The following MACROD2 variants were observed in gnomAD, a reference collection of about 807,000 sequenced individuals.
MACROD2 encodes mono-ADP ribosylhydrolase 2.
Under a neutral mutation model 70.4 loss-of-function variants are expected in MACROD2, and 36 were observed. The observed-to-expected ratio is 0.51, with a 90% CI of 0.39 to 0.68. MACROD2 has a LOEUF of 0.68. Ranked by LOEUF, MACROD2 falls within the 30% of genes least tolerant of loss-of-function variation. The pLI is 0.00. For synonymous variants in MACROD2, 172 were observed against 178.8 expected (o/e 0.96, Z 0.30); for missense variants, 496 against 538.4 (o/e 0.92, Z 0.78).
intron 8 of MACROD2, among the ~76,000 whole-genome samples, chr20:15,827,573 AG>A (rs1479403275): frequency 3.3e-5 from 5 of 152,216 alleles, no homozygotes; most frequent in African/African-American, 1.2e-4. Flanking sequence ...ACATACCTTT[AG>A]AAGAAGAATA....
chr20:14,299,423 T>C (rs1482899976), intron 3 of MACROD2, among the ~76,000 whole-genome samples: 2 of 152,184 alleles, frequency 1.3e-5, no homozygotes, highest in African/African-American at 4.8e-5. Flanking sequence ...GTGACCCACT[T>C]TATTGGCATA....
At chr20:15,308,523 TA>T (rs1272266290) in intron 6 of MACROD2, among the ~76,000 whole-genome samples, 1 of 152,216 alleles carries the variant, frequency 6.6e-6, no homozygotes, top group Non-Finnish European at 1.5e-5. Context: ...TAGATTTGAT[TA>T]GAAATTTTGC....
intron 3 of MACROD2, among the ~76,000 whole-genome samples, chr20:14,485,183 CA>C (rs1204962183): frequency 6.6e-6 from 1 of 152,088 alleles, no homozygotes; most frequent in Admixed American, 6.5e-5. Context: ...CACACACAAA[CA>C]CACAAATTTT....
At chr20:14,131,999 T>C (rs1601258730) in intron 3 of MACROD2, among the ~76,000 whole-genome samples, 2 of 151,896 alleles carry the variant, frequency 1.3e-5, no homozygotes, top group East Asian at 3.9e-4. Flanking sequence ...GGCGTGGTGG[T>C]GTGCACCTGT....
chr20:15,492,839 A>G (rs1167144343), intron 7 of MACROD2, among the ~76,000 whole-genome samples: 1 of 152,220 alleles, frequency 6.6e-6, no homozygotes, highest in East Asian at 1.9e-4. Flanking sequence ...GCAGAGTTCA[A>G]GGGAGTTTGA....
At position 15,892,015 on chromosome 20, in the gene MACROD2, G is replaced by A. The variant is rs73614473; in HGVS notation, c.775+6204G>A. Among the ~76,000 whole-genome samples, 398 of 152,230 alleles carry A rather than the reference G, an allele frequency of 2.6e-3. 1 individual carries two copies. The highest frequency in any genetic ancestry group is 0.023 in the South Asian group (112 of 4,804). On this transcript the variant is annotated intron_variant, in intron 10 of 17. Coordinates refer to ENST00000684519, the MANE Select transcript of MACROD2 (RefSeq NM_001351661.2). The stretch of plus-strand genomic sequence containing the variant: ...GCCAACTCTAAGATCTGTAACCTTC[G>A]ATTGAGGGATACAACCAGCTCATGA...
chr20:14,627,360 G>T (rs965337534), intron 4 of MACROD2, among the ~76,000 whole-genome samples: 12 of 152,150 alleles, frequency 7.9e-5, no homozygotes, highest in Non-Finnish European at 1.3e-4. Flanking sequence ...ATGACTGGGC[G>T]ATGTAGGAGC....
intron 5 of MACROD2, among the ~76,000 whole-genome samples, chr20:15,013,527 G>A (rs562470452): frequency 6.6e-6 from 1 of 152,206 alleles, no homozygotes; most frequent in African/African-American, 2.4e-5. Flanking sequence ...CGTGCGCAAG[G>A]CCATGCCACC....
intron 7 of MACROD2, among the ~76,000 whole-genome samples, chr20:15,478,178 T>C (rs1183993279): frequency 6.6e-6 from 1 of 152,172 alleles, no homozygotes; most frequent in Non-Finnish European, 1.5e-5. Context: ...AGGAAACCAA[T>C]AGAAGGGTTC....
intron 2 of MACROD2, among the ~76,000 whole-genome samples, chr20:14,080,299 C>T (rs1452826233): frequency 2.0e-5 from 3 of 151,354 alleles, no homozygotes; most frequent in Non-Finnish European, 2.9e-5. Context: ...AAAAATTAGC[C>T]GGGTGTGGTG....
At chr20:14,446,306 C>G (rs1281309153) in intron 3 of MACROD2, among the ~76,000 whole-genome samples, 2 of 152,016 alleles carry the variant, frequency 1.3e-5, no homozygotes, top group Non-Finnish European at 2.9e-5. Flanking sequence ...TGAGGTAGGT[C>G]TACTTATCAC....
chr20:14,583,043 G>C (rs768992161), intron 4 of MACROD2, among the ~76,000 whole-genome samples: 5 of 146,300 alleles, frequency 3.4e-5, no homozygotes, highest in Non-Finnish European at 6.0e-5. Context: ...TTGTCTGAGC[G>C]TATTTCCAGG....
chr20:14,480,626 A>G (rs1014614401), intron 3 of MACROD2, among the ~76,000 whole-genome samples: 6 of 152,204 alleles, frequency 3.9e-5, no homozygotes, highest in Admixed American at 1.3e-4. Flanking sequence ...GATTAATATC[A>G]GTGCTTTTCA....
At chr20:14,499,165 C>A (rs2084889283) in intron 4 of MACROD2, among the ~76,000 whole-genome samples, 1 of 152,134 alleles carries the variant, frequency 6.6e-6, no homozygotes, top group African/African-American at 2.4e-5. Context: ...GGGCTCTGGC[C>A]TTTTTACTCA....
At chr20:15,610,250 G>T (rs2048948446) in intron 8 of MACROD2, among the ~76,000 whole-genome samples, 1 of 152,114 alleles carries the variant, frequency 6.6e-6, no homozygotes, top group Non-Finnish European at 1.5e-5. Context: ...CACGATCTTA[G>T]TTGCCTAGAG....
At position 14,352,224 on chromosome 20, in the gene MACROD2, C is replaced by T. The variant is rs2083129503; in HGVS notation, c.272-141255C>T. The T allele has an allele frequency of 3.3e-5, 5 of 152,088 alleles. No individual in the cohort carries two copies. In the South Asian group the frequency reaches 8.3e-4, roughly 25 times the overall value. The allele number at this position is 152,088 out of a possible 1,614,324, so 9.4% of individuals were successfully genotyped here. A position where few individuals can be genotyped will look rare whatever the true frequency, so the allele number is the denominator to read the frequency against. On this transcript the variant is annotated intron_variant, in intron 3 of 17. Transcript: ENST00000684519. ...TGTGTCTAACTTATTTGTTTTATGA[C>T]TTTGCACAGGGACCTGCATAACTAG...
intron 5 of MACROD2, among the ~76,000 whole-genome samples, chr20:14,912,767 T>A (rs568731122): frequency 6.6e-6 from 1 of 152,276 alleles, no homozygotes; most frequent in Non-Finnish European, 1.5e-5. Flanking sequence ...AAGGAAAGAC[T>A]GAGTTGAGTT....
At position 15,885,815 on chromosome 20, in the gene MACROD2, T is replaced by C; in HGVS notation, c.775+4T>C. On this transcript the variant is annotated splice_donor_region_variant and intron_variant, in intron 10 of 17. Transcript: ENST00000684519. ...GTTGAAATGAAAGAAGATTCAGGTA[T>C]TAAATTCATACTTTTATTATTAGGG... is the stretch of plus-strand genomic sequence containing the variant. 2 of 1,501,146 alleles carry C rather than the reference T, an allele frequency of 1.3e-6. No homozygotes were observed. The highest frequency in any genetic ancestry group is 1.3e-5 in the South Asian group (1 of 76,218). The allele number at this position is 1,501,146 out of a possible 1,614,324, so 93.0% of individuals were successfully genotyped here.
At chr20:14,540,647 T>C (rs1202732540) in intron 4 of MACROD2, among the ~76,000 whole-genome samples, 1 of 152,116 alleles carries the variant, frequency 6.6e-6, no homozygotes, top group East Asian at 1.9e-4. Flanking sequence ...GCATGATGGG[T>C]GACAAAAGAC....
Sources: gnomAD v4.1 joint callset for allele counts (sites outside exome capture counted in the v4.1 genomes callset) on GRCh38, gnomAD v4.1.1 for gene constraint, MANE v1.5 for transcripts, NCBI Gene and HGNC (gene_info 2026-07-23, HGNC 2026-07-21) for gene names.